Variants in PARD3B observed in about 807,000 individuals in gnomAD.
PARD3B encodes par-3 family cell polarity regulator beta.
PARD3B carries 103 observed loss-of-function variants against 130.2 expected under a neutral mutation model. The observed-to-expected ratio is 0.79, with a 90% CI of 0.67 to 0.93. The LOEUF (loss-of-function observed/expected upper bound fraction) is 0.93, where lower values mean the gene tolerates loss of function less well. Among genes scored for constraint, PARD3B ranks in the 40% least tolerant of loss-of-function variants. The pLI is 0.00. For synonymous variants in PARD3B, 583 were observed against 553.2 expected (o/e 1.05, Z -0.76); for missense variants, 1,609 against 1,499.2 (o/e 1.07, Z -1.21).
chr2:205,588,085 TGA>T (rs2054261635), intron 22 of PARD3B, among the ~76,000 whole-genome samples: 1 of 152,304 alleles, frequency 6.6e-6, no homozygotes, highest in African/African-American at 2.4e-5. Context: ...AATATACAAC[TGA>T]GGAGAAAATT....
chr2:204,997,429 A>G (rs1358251577), intron 3 of PARD3B, among the ~76,000 whole-genome samples: 1 of 152,184 alleles, frequency 6.6e-6, no homozygotes, highest in South Asian at 2.1e-4. Flanking sequence ...CCCTTCAGTA[A>G]GGGTTGATGA....
intron 18 of PARD3B, among the ~76,000 whole-genome samples, chr2:205,376,778 T>C (rs1206954511): frequency 6.6e-6 from 1 of 152,056 alleles, no homozygotes; most frequent in Non-Finnish European, 1.5e-5. Context: ...TTGGAGGTTG[T>C]ATGTAGGTGG....
chr2:204,626,811 AT>A (rs367787667), intron 1 of PARD3B, among the ~76,000 whole-genome samples: 6 of 151,092 alleles, frequency 4.0e-5, no homozygotes, highest in African/African-American at 7.3e-5. Flanking sequence ...ATTTTCTATG[AT>A]TTTTTTTTCA....
chr2:205,523,574 AC>A (rs2051190921), intron 21 of PARD3B, among the ~76,000 whole-genome samples: 1 of 152,122 alleles, frequency 6.6e-6, no homozygotes, highest in African/African-American at 2.4e-5. Context: ...TCTTTTGAGT[AC>A]CTTACATGTT....
At chr2:205,046,665 C>T (rs1575631205) in intron 3 of PARD3B, among the ~76,000 whole-genome samples, 1 of 152,170 alleles carries the variant, frequency 6.6e-6, no homozygotes, top group East Asian at 1.9e-4. Context: ...TTTGGGGAAT[C>T]ATTTTCAGAA....
intron 20 of PARD3B, among the ~76,000 whole-genome samples, chr2:205,487,978 A>C (rs1234172623): frequency 6.6e-6 from 1 of 152,210 alleles, no homozygotes; most frequent in African/African-American, 2.4e-5. Context: ...TGTTCAGTTC[A>C]AGAAGGTGAA....
chr2:205,080,643 G>C (rs771822242), intron 4 of PARD3B, among the ~76,000 whole-genome samples: 1 of 151,988 alleles, frequency 6.6e-6, no homozygotes, highest in Admixed American at 6.6e-5. Flanking sequence ...CACTGTCTTT[G>C]GTGCACAAAT....
chr2:205,008,136 G>C (rs1469815686), intron 3 of PARD3B, among the ~76,000 whole-genome samples: 2 of 152,012 alleles, frequency 1.3e-5, no homozygotes, highest in Admixed American at 6.5e-5. Flanking sequence ...TTTTTTTTAA[G>C]GGATGAGATT....
At chr2:205,033,467 G>A (rs995811651) in intron 3 of PARD3B, among the ~76,000 whole-genome samples, 3 of 151,844 alleles carry the variant, frequency 2.0e-5, no homozygotes, top group Non-Finnish European at 2.9e-5. Flanking sequence ...CCAAATTAAG[G>A]CTTTCTGGTA....
At chr2:205,032,284 A>G (rs945153229) in intron 3 of PARD3B, among the ~76,000 whole-genome samples, 2 of 152,086 alleles carry the variant, frequency 1.3e-5, no homozygotes, top group African/African-American at 4.8e-5. Context: ...GACAGCAGCC[A>G]TATGAAACAC....
intron 1 of PARD3B, among the ~76,000 whole-genome samples, chr2:204,576,145 C>A (rs890342382): frequency 6.6e-6 from 1 of 152,138 alleles, no homozygotes; most frequent in African/African-American, 2.4e-5. Flanking sequence ...CATCATCTAG[C>A]CTTTGGTCTG....
rs1308241520 is a variant in PARD3B, at chr2:205,591,997, G to A, written c.3261-23459G>A. Among the ~76,000 whole-genome samples the A allele has an allele frequency of 2.0e-5, 3 of 152,248 alleles. No individual in the cohort carries two copies. The highest frequency in any genetic ancestry group is 3.9e-4 in the East Asian group (2 of 5,176). ...TTTAATGGTCACACCTAGACAAAGT[G>A]GAAGGATAATCCTACCAGTGATGAT... is the stretch of plus-strand genomic sequence containing the variant. On this transcript the variant is annotated intron_variant, in intron 22 of 22. Transcript: ENST00000406610. This position sits in a 1 kb window ranked among gnomAD's most constrained non-coding sequence, Gnocchi z 4.2.
chr2:205,145,744 G>C (rs943501123), intron 10 of PARD3B, among the ~76,000 whole-genome samples: 6 of 146,436 alleles, frequency 4.1e-5, no homozygotes, highest in African/African-American at 1.5e-4. Flanking sequence ...GGCCAGGGAA[G>C]TTAGGAAACC....
At chr2:205,413,226 T>C (rs1181743662) in intron 19 of PARD3B, among the ~76,000 whole-genome samples, 1 of 152,168 alleles carries the variant, frequency 6.6e-6, no homozygotes, top group African/African-American at 2.4e-5. Context: ...CATGAAATAC[T>C]TAAAGTACCT....
intron 3 of PARD3B, among the ~76,000 whole-genome samples, chr2:204,972,937 TAAA>T (rs141593938): frequency 6.6e-6 from 1 of 152,164 alleles, no homozygotes; most frequent in Non-Finnish European, 1.5e-5. Context: ...CCCTAAGTAG[TAAA>T]AATATTTTCA....
intron 14 of PARD3B, among the ~76,000 whole-genome samples, chr2:205,192,674 G>C (rs2036458168): frequency 6.6e-6 from 1 of 152,164 alleles, no homozygotes. Context: ...TTGGTGAGCA[G>C]ACTGTCTGCT....
Position 205,121,267 on chromosome 2 carries a change from G to A in PARD3B, c.807-324G>A, listed in dbSNP as rs577103891. The stretch of plus-strand genomic sequence containing the variant: ...ATCTTTAGAAACATGTAAAAGCTGT[G>A]GGTCATTGGATAAATTATTTCATCT... On this transcript the variant is annotated intron_variant, in intron 7 of 22. Coordinates refer to ENST00000406610, the MANE Select transcript of PARD3B (RefSeq NM_001302769.2). This position sits in a 1 kb window ranked among gnomAD's most constrained non-coding sequence, Gnocchi z 5.0. 1.8e-4 allele frequency among the ~76,000 whole-genome samples: 28 copies of A among 152,266 alleles called. No individual in the cohort carries two copies. The highest frequency in any genetic ancestry group is 3.9e-4 in the Admixed American group (6 of 15,294).
At chr2:204,744,251 C>G (rs2040127707) in intron 2 of PARD3B, among the ~76,000 whole-genome samples, 3 of 152,124 alleles carry the variant, frequency 2.0e-5, no homozygotes, top group African/African-American at 4.8e-5. Context: ...CTGTATCCGA[C>G]AGACTGTGGA....
intron 14 of PARD3B, among the ~76,000 whole-genome samples, chr2:205,188,845 A>C (rs1160548548): frequency 6.6e-6 from 1 of 151,584 alleles, no homozygotes; most frequent in Non-Finnish European, 1.5e-5. Flanking sequence ...TGGAGGGATG[A>C]GGCTAATCTT....
Sources: allele counts gnomAD v4.1 joint callset (sites outside exome capture counted in the v4.1 genomes callset), GRCh38; gene constraint gnomAD v4.1.1; non-coding constraint Gnocchi (gnomAD v3.1); transcripts MANE v1.5; gene names NCBI Gene and HGNC (gene_info 2026-07-23, HGNC 2026-07-21).